Variants in OTUB2 observed in about 807,000 individuals in gnomAD.
OTUB2 encodes the protein ubiquitin thioesterase OTUB2.
A neutral mutation model predicts 25.1 loss-of-function variants in OTUB2; 21 were observed. The ratio of observed to expected loss-of-function variants is 0.84; its 90% CI spans 0.59 to 1.21. The LOEUF is 1.21. OTUB2 is among the 50% of genes most tolerant of loss of function. The pLI is 0.00. For synonymous variants in OTUB2, 122 were observed against 122.8 expected (o/e 0.99, Z 0.04); for missense variants, 283 against 298.0 (o/e 0.95, Z 0.37).
Position 94,046,079 on chromosome 14 carries a change from A to C in OTUB2, c.*157A>C. The stretch of plus-strand genomic sequence containing the variant: ...TGGGAACGAGGCCTATCCACTATGG[A>C]CTATGGTAACTTGGTAGGATTTTTA... On this transcript the variant is annotated 3_prime_UTR_variant, in exon 6 of 6. Transcript: ENST00000203664. The C allele has an allele frequency of 1.4e-6, 1 of 720,218 alleles. No individual in the cohort carries two copies. The highest frequency in any genetic ancestry group is 2.3e-6 in the Non-Finnish European group (1 of 440,214). The allele number at this position is 720,218 out of a possible 1,614,324, so 44.6% of individuals were successfully genotyped here.
At chr14:94,028,086 G>A (rs571639829) in intron 1 of OTUB2, among the ~76,000 whole-genome samples, 7 of 152,350 alleles carry the variant, frequency 4.6e-5, no homozygotes, top group East Asian at 1.9e-4. Flanking sequence ...CTCCCTATCT[G>A]CCCTGACTCA....
chr14:94,026,887 C>T (rs1227944859), intron 1 of OTUB2, among the ~76,000 whole-genome samples: 2 of 152,200 alleles, frequency 1.3e-5, no homozygotes, highest in Non-Finnish European at 2.9e-5. Flanking sequence ...TACGGGTCGC[C>T]TCCTCTTTGT....
intron 1 of OTUB2, among the ~76,000 whole-genome samples, chr14:94,028,278 T>G (rs995795489): frequency 1.3e-5 from 2 of 152,256 alleles, no homozygotes; most frequent in African/African-American, 4.8e-5. Flanking sequence ...ATTGAGCACC[T>G]ACTGCATGCG....
chr14:94,040,864 G>C (rs182666687), intron 3 of OTUB2, among the ~76,000 whole-genome samples: 45 of 152,344 alleles, frequency 3.0e-4, no homozygotes, highest in African/African-American at 1.0e-3. Flanking sequence ...CAAGGTCTGG[G>C]GTTGGCAGTT....
intron 1 of OTUB2, among the ~76,000 whole-genome samples, chr14:94,029,590 C>T (rs1381878104): frequency 2.0e-5 from 3 of 152,206 alleles, no homozygotes; most frequent in Non-Finnish European, 4.4e-5. Flanking sequence ...TCCAGTATGA[C>T]CTCATCTCAG....
chr14:94,026,489 C>A lies in OTUB2; in HGVS notation c.-49C>A. ...CGCGCCTCCCGCGGCATTCCCGCAC[C>A]GGATCGCTCCTCGCTGGGGCGGGAC... is the stretch of plus-strand genomic sequence containing the variant. On this transcript the variant is annotated 5_prime_UTR_variant, in exon 1 of 6. Transcript: ENST00000203664. The A allele has an allele frequency of 7.6e-7, 1 of 1,322,914 alleles. No individual in the cohort carries two copies. Among genetic ancestry groups the A allele is most frequent in the African/African-American group, 1.5e-5 (1 of 65,380 alleles). The allele number at this position is 1,322,914 out of a possible 1,614,324, so 81.9% of individuals were successfully genotyped here. A position where few individuals can be genotyped will look rare whatever the true frequency, so the allele number is the denominator to read the frequency against.
chr14:94,044,155 G>C, intron 4 of OTUB2, 100 bp downstream of exon 4: 2 of 1,227,730 alleles, frequency 1.6e-6, no homozygotes, highest in Non-Finnish European at 2.4e-6. Context: ...CTCCTGGCTG[G>C]GGAAGGACAG....
chr14:94,030,622 G>A (rs1422689706), intron 1 of OTUB2, among the ~76,000 whole-genome samples: 1 of 152,154 alleles, frequency 6.6e-6, no homozygotes, highest in Non-Finnish European at 1.5e-5. Flanking sequence ...TCTTAGTGGA[G>A]CAGCAGAGAA....
At position 94,045,913 on chromosome 14, in the gene OTUB2, T is replaced by TA. The variant is rs776928228; in HGVS notation, c.699dup (p.His234ThrfsTer35). On this transcript the variant is annotated frameshift_variant, in exon 6 of 6. Coordinates refer to ENST00000203664, the MANE Select transcript of OTUB2 (RefSeq NM_023112.4). LOFTEE classifies it high-confidence loss of function. ...ACTACAACATCCTTTATGCAGCCGA[T>TA]AAACATTGATTAATTTTAGGCCATG... 1.9e-6 allele frequency: 3 copies of TA among 1,614,130 alleles called. 1 individual carries two copies. Among genetic ancestry groups the TA allele is most frequent in the South Asian group, 2.2e-5 (2 of 91,080 alleles).
At chr14:94,035,286 CTTTTTTTTTT>C (rs761154708) in intron 1 of OTUB2, among the ~76,000 whole-genome samples, 3 of 104,036 alleles carry the variant, frequency 2.9e-5, no homozygotes, top group Admixed American at 1.1e-4. Context: ...TTTTTCTTTT[CTTTTTTTTTT>C]TTTTTTTTTT....
intron 3 of OTUB2, among the ~76,000 whole-genome samples, chr14:94,039,941 C>T (rs1460730569): frequency 2.0e-5 from 3 of 152,014 alleles, no homozygotes; most frequent in East Asian, 1.9e-4. Context: ...TTCTCAACGG[C>T]GGCATGACTG....
At position 94,027,511 on chromosome 14, in the gene OTUB2, C is replaced by T. The variant is rs557674854; in HGVS notation, c.3+971C>T. Among the ~76,000 whole-genome samples the T allele has an allele frequency of 2.2e-3, 338 of 152,318 alleles. 3 individuals are homozygous for T. The highest frequency in any genetic ancestry group is 7.6e-3 in the African/African-American group (317 of 41,564). ...GAAAGCGAAGAGGCTTTGGTTGGTC[C>T]GCTCTCCCCCTCAGCACCGTTTTGC... On this transcript the variant is annotated intron_variant, in intron 1 of 5. Transcript: ENST00000203664.
intron 3 of OTUB2, among the ~76,000 whole-genome samples, chr14:94,041,440 T>C (rs529454574): frequency 2.0e-5 from 3 of 152,162 alleles, no homozygotes; most frequent in Non-Finnish European, 2.9e-5. Flanking sequence ...ATTTTTTCTT[T>C]CTTTTTTTAA....
At chr14:94,039,801 G>T (rs1485838906) in intron 3 of OTUB2, among the ~76,000 whole-genome samples, 1 of 152,122 alleles carries the variant, frequency 6.6e-6, no homozygotes, top group Non-Finnish European at 1.5e-5. Context: ...TAACCTTTGG[G>T]GGTCTCAGAG....
chr14:94,030,022 C>G (rs1283170144), intron 1 of OTUB2, among the ~76,000 whole-genome samples: 1 of 152,158 alleles, frequency 6.6e-6, no homozygotes, highest in Non-Finnish European at 1.5e-5. Context: ...TGAAGGAACA[C>G]AGAGAGGGCC....
intron 3 of OTUB2, among the ~76,000 whole-genome samples, chr14:94,042,673 G>A (rs1388907778): frequency 2.0e-5 from 3 of 152,184 alleles, no homozygotes; most frequent in African/African-American, 2.4e-5. Flanking sequence ...ACTGAACAGG[G>A]GGTGCTGATG....
chr14:94,035,164 A>G (rs546129973), intron 1 of OTUB2, among the ~76,000 whole-genome samples: 43 of 151,952 alleles, frequency 2.8e-4, no homozygotes, highest in Non-Finnish European at 5.4e-4. Context: ...GTCGGTACAG[A>G]GTGGAAGCTT....
intron 1 of OTUB2, among the ~76,000 whole-genome samples, chr14:94,035,671 G>A (rs531996059): frequency 9.7e-4 from 148 of 152,210 alleles, no homozygotes; most frequent in African/African-American, 3.4e-3. Context: ...CCATGTCGGG[G>A]GGAGATCATG....
chr14:94,047,182 T>C lies in OTUB2; in HGVS notation c.*1260T>C, dbSNP rs1349236959. 6.6e-6 allele frequency: 1 copy of C among 152,224 alleles called. No individual in the cohort carries two copies. Among genetic ancestry groups the C allele is most frequent in the African/African-American group, 2.4e-5 (1 of 41,458 alleles). The allele number at this position is 152,224 out of a possible 1,614,324, so 9.4% of individuals were successfully genotyped here. On this transcript the variant is annotated 3_prime_UTR_variant, in exon 6 of 6. Coordinates refer to ENST00000203664, the MANE Select transcript of OTUB2 (RefSeq NM_023112.4). ...AAATGCAGGGTGTGGAATTGCCCTT[T>C]GGGGTCCTTCCTTAATTGAAGGCCA...
Sources: allele counts gnomAD v4.1 joint callset (sites outside exome capture counted in the v4.1 genomes callset), GRCh38; gene constraint gnomAD v4.1.1; transcripts MANE v1.5; gene names NCBI Gene and HGNC (gene_info 2026-07-23, HGNC 2026-07-21).